The following THSD7B variants were observed in gnomAD, a reference collection of about 807,000 sequenced individuals.
The protein encoded by THSD7B is thrombospondin type-1 domain-containing protein 7B.
THSD7B carries 138 observed loss-of-function variants against 213.6 expected under a neutral mutation model. The observed-to-expected ratio is 0.65, with a 90% CI of 0.56 to 0.74. The LOEUF is 0.74. THSD7B is among the 30% of genes least tolerant of loss of function. The pLI is 0.00. For missense variants in THSD7B, 1,931 were observed against 1,991.5 expected, an observed-to-expected ratio of 0.97 and a Z score of 0.58; for synonymous variants, 742 against 687.0, an observed-to-expected ratio of 1.08 and a Z score of -1.25.
At chr2:137,289,285 TA>T (rs879697629) in intron 12 of THSD7B, among the ~76,000 whole-genome samples, 115 of 141,228 alleles carry the variant, frequency 8.1e-4, no homozygotes, top group Admixed American at 7.1e-4. Flanking sequence ...AATCCTCAAT[TA>T]AAAAAAAAAA....
At chr2:137,008,803 G>A (rs1329852714) in intron 2 of THSD7B, among the ~76,000 whole-genome samples, 1 of 152,116 alleles carries the variant, frequency 6.6e-6, no homozygotes, top group African/African-American at 2.4e-5. Flanking sequence ...AATTGTGCCT[G>A]TTGTAATCCA....
At chr2:137,609,109 A>G (rs1682240924) in intron 17 of THSD7B, among the ~76,000 whole-genome samples, 1 of 152,220 alleles carries the variant, frequency 6.6e-6, no homozygotes, top group East Asian at 1.9e-4. Flanking sequence ...TCTACTTGAG[A>G]CAATTGAAAG....
At chr2:137,103,413 C>A (rs555225083) in intron 4 of THSD7B, among the ~76,000 whole-genome samples, 2 of 152,248 alleles carry the variant, frequency 1.3e-5, no homozygotes, top group South Asian at 2.1e-4. Context: ...AATCCAGTAC[C>A]AGCCAATGCA....
At chr2:137,616,569 CA>C (rs1156718588) in intron 18 of THSD7B, among the ~76,000 whole-genome samples, 1 of 152,098 alleles carries the variant, frequency 6.6e-6, no homozygotes, top group Non-Finnish European at 1.5e-5. Flanking sequence ...AACATTTCAG[CA>C]AAATGTTGAT....
rs1417836032 is a variant in THSD7B at position 137,170,917 on chromosome 2, G to A, written c.1702G>A (p.Ala568Thr). The A allele has an allele frequency of 1.9e-6, 3 of 1,612,634 alleles. No homozygotes were observed. The highest frequency in any genetic ancestry group is 3.3e-5 in the Admixed American group (2 of 59,944). The change falls in exon 7 of 28, where the codon GCC becomes ACC. Residue 568 changes from alanine to threonine, a missense_variant. Coordinates refer to ENST00000409968, the MANE Select transcript of THSD7B (RefSeq NM_001316349.2). ...KCGLGHRILK[A>T]VCQNDRGEDV... ...TGGCCTGGGACATCGTATTCTGAAG[G>A]CCGTCTGCCAGAATGACCGCGGTAT...
Position 137,256,940 on chromosome 2 carries a change from G to A in THSD7B, c.2266+14368G>A, listed in dbSNP as rs544114726. Among the ~76,000 whole-genome samples, 4 of 152,212 alleles carry A rather than the reference G, an allele frequency of 2.6e-5. No homozygotes were observed. In the South Asian group the frequency reaches 8.3e-4, roughly 32 times the overall value. On this transcript the variant is annotated intron_variant, in intron 10 of 27. Transcript: ENST00000409968. The stretch of plus-strand genomic sequence containing the variant: ...GGAGACTGGGAAGTTCAAGGGTGAG[G>A]GTCCGCATTTGGTGAGAGCCTTCTT...
chr2:137,197,826 A>G (rs1209978762), intron 7 of THSD7B, among the ~76,000 whole-genome samples: 1 of 152,144 alleles, frequency 6.6e-6, no homozygotes, highest in African/African-American at 2.4e-5. Flanking sequence ...GATTCCCTTA[A>G]GAGTTAAGAA....
intron 2 of THSD7B, among the ~76,000 whole-genome samples, chr2:136,899,956 TTAA>T (rs1345709995): frequency 1.3e-5 from 2 of 152,162 alleles, no homozygotes; most frequent in Non-Finnish European, 2.9e-5. Flanking sequence ...AAATTAGAAC[TTAA>T]TAAAAACTTT....
intron 4 of THSD7B, among the ~76,000 whole-genome samples, chr2:137,107,785 G>T (rs1359001312): frequency 1.3e-5 from 2 of 152,150 alleles, no homozygotes; most frequent in African/African-American, 4.8e-5. Flanking sequence ...TATGGCGATA[G>T]AAGTCTATTA....
chr2:136,986,659 AT>A (rs1558877505), intron 2 of THSD7B, among the ~76,000 whole-genome samples: 1 of 152,196 alleles, frequency 6.6e-6, no homozygotes, highest in Non-Finnish European at 1.5e-5. Context: ...TTTCTCCTGC[AT>A]TTTTTAAGGA....
intron 7 of THSD7B, among the ~76,000 whole-genome samples, chr2:137,197,459 TAAATG>T (rs1343742348): frequency 1.3e-5 from 2 of 152,146 alleles, no homozygotes; most frequent in Non-Finnish European, 2.9e-5. Flanking sequence ...AAATAAATAT[TAAATG>T]AAGTGATCTG....
intron 1 of THSD7B, among the ~76,000 whole-genome samples, chr2:136,780,801 T>C (rs1390514923): frequency 2.0e-5 from 3 of 152,220 alleles, no homozygotes; most frequent in Non-Finnish European, 4.4e-5. Flanking sequence ...GCATTTCTTG[T>C]TTTTTATGCT....
chr2:137,667,856 T>C lies in THSD7B; in HGVS notation c.4734T>C (p.Leu1578=), dbSNP rs1453820155. 1.3e-6 allele frequency: 2 copies of C among 1,586,930 alleles called. No individual in the cohort carries two copies. Among genetic ancestry groups the C allele is most frequent in the South Asian group, 2.3e-5 (2 of 87,120 alleles). ...IMIFLIFTSY[L]VCKKPKPHQS... is the part of the protein sequence containing the mutation. ...TTTTCCTAATATTTACTTCCTACCT[T>C]GTTTGGTAAGTACTAATTAGTAAAA... is the stretch of plus-strand genomic sequence containing the variant. The change falls in exon 27 of 28, where the codon CTT becomes CTC. Residue 1578 remains leucine, a synonymous_variant. Coordinates refer to ENST00000409968, the MANE Select transcript of THSD7B (RefSeq NM_001316349.2).
intron 2 of THSD7B, among the ~76,000 whole-genome samples, chr2:136,979,262 A>G (rs559192209): frequency 6.1e-4 from 93 of 151,772 alleles, no homozygotes; most frequent in African/African-American, 2.1e-3. Flanking sequence ...TCTGATGATT[A>G]TCTGTCTTGG....
At chr2:137,321,519 A>G (rs1204094408) in intron 12 of THSD7B, among the ~76,000 whole-genome samples, 1 of 152,164 alleles carries the variant, frequency 6.6e-6, no homozygotes, top group Non-Finnish European at 1.5e-5. Context: ...ATGATATTAA[A>G]TAAAATTAAC....
At chr2:137,653,276 T>C (rs1183306755) in intron 21 of THSD7B, among the ~76,000 whole-genome samples, 1 of 152,138 alleles carries the variant, frequency 6.6e-6, no homozygotes, top group Non-Finnish European at 1.5e-5. Context: ...ATGATTTCCA[T>C]TGAAAGATCT....
At chr2:137,459,077 A>G (rs972359765) in intron 15 of THSD7B, among the ~76,000 whole-genome samples, 5 of 152,084 alleles carry the variant, frequency 3.3e-5, no homozygotes, top group African/African-American at 9.7e-5. Flanking sequence ...TTTTTTCACC[A>G]TACACATTTT....
At chr2:137,151,780 G>A (rs181526892) in intron 5 of THSD7B, among the ~76,000 whole-genome samples, 26 of 152,150 alleles carry the variant, frequency 1.7e-4, no homozygotes, top group Admixed American at 6.5e-4. Context: ...TACCAGCATC[G>A]CCACAAATGT....
chr2:137,029,602 C>A (rs1686625339), intron 2 of THSD7B, among the ~76,000 whole-genome samples: 1 of 152,124 alleles, frequency 6.6e-6, no homozygotes, highest in African/African-American at 2.4e-5. Flanking sequence ...AGAATTAATT[C>A]TCTTTGCCAA....
Sources: allele counts gnomAD v4.1 joint callset (sites outside exome capture counted in the v4.1 genomes callset), GRCh38; gene constraint gnomAD v4.1.1; transcripts MANE v1.5; gene names NCBI Gene and HGNC (gene_info 2026-07-23, HGNC 2026-07-21).